Variants in NLRP8 observed in about 807,000 individuals in gnomAD.
The protein encoded by NLRP8 is NACHT, LRR and PYD domains-containing protein 8.
In NLRP8, 86 loss-of-function variants were observed where a neutral mutation model predicts 88.7. That is an observed-to-expected ratio of 0.97 (90% CI 0.81 to 1.16). The LOEUF is 1.16. Among genes scored for constraint, NLRP8 ranks in the 50% most tolerant of loss-of-function variants. The pLI is 0.00. For synonymous variants in NLRP8, 504 were observed against 494.6 expected, an observed-to-expected ratio of 1.02 and a Z score of -0.25; for missense variants, 1,342 against 1,286.5, an observed-to-expected ratio of 1.04 and a Z score of -0.66.
At chr19:55,969,921 C>T (rs970786908) in intron 5 of NLRP8, among the ~76,000 whole-genome samples, 7 of 152,108 alleles carry the variant, frequency 4.6e-5, no homozygotes, top group Non-Finnish European at 8.8e-5. Flanking sequence ...AAATCCAGCC[C>T]GAGAAGACAG....
rs777494711 is a variant in NLRP8 at position 55,987,958 on chromosome 19, C to T, written c.*45C>T. ...CTGGGGCTTGATTGATCAGTTCCCA[C>T]TCTGACAACTGGCAAATACCAGGCG... is the stretch of plus-strand genomic sequence containing the variant. On this transcript the variant is annotated 3_prime_UTR_variant, in exon 10 of 10. Coordinates refer to ENST00000291971, the MANE Select transcript of NLRP8 (RefSeq NM_176811.2). 12 of 1,438,214 alleles carry T rather than the reference C, an allele frequency of 8.3e-6. No individual in the cohort carries two copies. The highest frequency in any genetic ancestry group is 1.4e-5 in the African/African-American group (1 of 71,476). 89.1% of individuals were successfully genotyped at this position (1,438,214 alleles called of 1,614,324 possible). A position where few individuals can be genotyped will look rare whatever the true frequency, so the allele number is the denominator to read the frequency against.
rs772052383 is a variant in NLRP8 at position 55,955,527 on chromosome 19, T to A, written c.1469T>A (p.Met490Lys). 1 of 1,613,936 alleles carries A rather than the reference T, an allele frequency of 6.2e-7. No homozygotes were observed. The highest frequency in any genetic ancestry group is 1.1e-5 in the South Asian group (1 of 91,066). ...ACGGGAGTCACCGCCTTCCTTGGCATGAGTATTCTTCGGAGAATTGCAGGT... is the reference window on the plus strand; with the variant it reads ...ACGGGAGTCACCGCCTTCCTTGGCAAGAGTATTCTTCGGAGAATTGCAGGT... The change falls in exon 3 of 10, where the codon ATG (methionine) becomes AAG (lysine). Residue 490 changes from methionine to lysine, a missense_variant. Met to Lys is a moderately conservative substitution (Grantham distance 95). Transcript: ENST00000291971.
Position 55,979,440 on chromosome 19 carries a change from T to C in NLRP8, c.2923T>C (p.Ser975Pro). The change falls in exon 9 of 10, where the codon TCC (serine) becomes CCC (proline). Residue 975 changes from serine (S) to proline (P), a missense_variant. Transcript: ENST00000291971. ...CTCCATCTGCTGCCAGGCCATGGCTTCCATGCTCCGCAAAAACCAACATCT... is the reference window on the plus strand; with the variant it reads ...CTCCATCTGCTGCCAGGCCATGGCTCCCATGCTCCGCAAAAACCAACATCT... The C allele has an allele frequency of 6.2e-7, 1 of 1,614,186 alleles. No homozygotes were observed. Among genetic ancestry groups the C allele is most frequent in the East Asian group, 2.2e-5 (1 of 44,878 alleles).
intron 2 of NLRP8, among the ~76,000 whole-genome samples, chr19:55,953,374 C>T (rs1178820321): frequency 6.6e-6 from 1 of 152,114 alleles, no homozygotes; most frequent in Non-Finnish European, 1.5e-5. Context: ...ATAAAGTACA[C>T]AATAAACGTA....
chr19:55,974,496 C>A, intron 7 of NLRP8, among the ~76,000 whole-genome samples: 1 of 151,778 alleles, frequency 6.6e-6, no homozygotes, highest in East Asian at 1.9e-4. Context: ...GGCCTGTAAT[C>A]CCAGCACTTT....
At chr19:55,950,185 T>C (rs191829010) in intron 1 of NLRP8, among the ~76,000 whole-genome samples, 215 of 148,208 alleles carry the variant, frequency 1.5e-3, no homozygotes, top group African/African-American at 5.1e-3. Flanking sequence ...CAGAGGTGGG[T>C]GGATCACCCA....
intron 2 of NLRP8, among the ~76,000 whole-genome samples, chr19:55,952,841 G>A (rs560016896): frequency 2.6e-5 from 4 of 152,158 alleles, no homozygotes; most frequent in Non-Finnish European, 2.9e-5. Flanking sequence ...GAGAAGAATT[G>A]CTTGAACCCG....
At chr19:55,952,036 G>C (rs1003713896) in intron 1 of NLRP8, among the ~76,000 whole-genome samples, 3 of 152,220 alleles carry the variant, frequency 2.0e-5, no homozygotes, top group African/African-American at 7.2e-5. Context: ...ACAGGCGTGA[G>C]CCACAGTGCC....
chr19:55,976,419 C>CA, intron 8 of NLRP8, 116 bp downstream of exon 8: 3 of 889,108 alleles, frequency 3.4e-6, no homozygotes, highest in Non-Finnish European at 4.7e-6. Context: ...TTGTTCCCTC[C>CA]ATTGAATTGG....
chr19:55,978,991 G>A (rs190809104), intron 8 of NLRP8, among the ~76,000 whole-genome samples: 121 of 152,202 alleles, frequency 7.9e-4, no homozygotes, highest in African/African-American at 2.8e-3. Context: ...CATGCTATTT[G>A]AATACATGTA....
chr19:55,962,038 G>T (rs1174900782), intron 3 of NLRP8, 29 bp from the exon 4 acceptor site: 1 of 1,605,260 alleles, frequency 6.2e-7, no homozygotes, highest in Non-Finnish European at 8.5e-7. Context: ...TAACGAAGAG[G>T]TGTTTTCTCT....
rs35767678 is a variant in NLRP8, at chr19:55,953,792, C to CTTT, written c.443-684_443-682dup. Reference sequence around the variant, plus strand: ...ACAGGCGTAAGCCACTGTGCCTGGCCTTTTTTTTTTTTTTTTTTTTTTTTT... The same window carrying CTTT: ...ACAGGCGTAAGCCACTGTGCCTGGCCTTTTTTTTTTTTTTTTTTTTTTTTTTTT... On this transcript the variant is annotated intron_variant, in intron 2 of 9. Transcript: ENST00000291971. Among the ~76,000 whole-genome samples the CTTT allele has an allele frequency of 5.2e-3, 288 of 55,248 alleles. 48 individuals are homozygous for CTTT. Among genetic ancestry groups the CTTT allele is most frequent in the African/African-American group, 0.018 (243 of 13,772 alleles). 36.2% of individuals were successfully genotyped at this position (55,248 alleles called of 152,430 possible). A position where few individuals can be genotyped will look rare whatever the true frequency, so the allele number is the denominator to read the frequency against.
At chr19:55,957,102 C>G (rs1215368192) in intron 3 of NLRP8, among the ~76,000 whole-genome samples, 3 of 152,150 alleles carry the variant, frequency 2.0e-5, no homozygotes, top group African/African-American at 7.2e-5. Flanking sequence ...CTCACTCCTA[C>G]TTTTGTGTAT....
chr19:55,967,454 T>C (rs1228781685), intron 5 of NLRP8, among the ~76,000 whole-genome samples: 2 of 152,260 alleles, frequency 1.3e-5, no homozygotes, highest in Non-Finnish European at 2.9e-5. Context: ...GCTGTTTGTC[T>C]TTCTGTGCCT....
At chr19:55,961,169 C>T (rs1298172310) in intron 3 of NLRP8, among the ~76,000 whole-genome samples, 3 of 152,106 alleles carry the variant, frequency 2.0e-5, no homozygotes, top group African/African-American at 7.2e-5. Context: ...TCCCAGAGTG[C>T]TGGGATTACA....
At chr19:55,977,582 T>A (rs1425924218) in intron 8 of NLRP8, among the ~76,000 whole-genome samples, 2 of 147,610 alleles carry the variant, frequency 1.4e-5, no homozygotes, top group Admixed American at 1.4e-4. Context: ...AAATATATAA[T>A]GTATATATTT....
rs1265868684 is a variant in NLRP8, at chr19:55,957,660, G to T, written c.2042+1560G>T. On this transcript the variant is annotated intron_variant, in intron 3 of 9. Transcript: ENST00000291971. ...GAGATCGCGCCACTATCTTAAAAAAGAAAAAATAATAATTATATATATATA... is the reference window on the plus strand; with the variant it reads ...GAGATCGCGCCACTATCTTAAAAAATAAAAAATAATAATTATATATATATA... 5.3e-5 allele frequency among the ~76,000 whole-genome samples: 5 copies of T among 93,482 alleles called. No individual in the cohort carries two copies. In the East Asian group the frequency reaches 7.4e-4, roughly 14 times the overall value. The allele number at this position is 93,482 out of a possible 152,430, so 61.3% of individuals were successfully genotyped here.
Position 55,987,876 on chromosome 19 carries a change from C to T in NLRP8, c.3110C>T (p.Thr1037Met), listed in dbSNP as rs147035967. 8.3e-5 allele frequency: 134 copies of T among 1,613,956 alleles called. 1 individual carries two copies. In the Middle Eastern group the frequency reaches 1.3e-3, roughly 16 times the overall value. Residue 1037 changes from threonine (T) to methionine (M), a missense_variant, in exon 10 of 10, where the codon ACG becomes ATG. Thr to Met is a moderately conservative substitution (Grantham distance 81). Coordinates refer to ENST00000291971, the MANE Select transcript of NLRP8 (RefSeq NM_176811.2). ...CCAACTCCTCACCCACCCGACTTCACGGGAAAAAGTGACTGCCTATCCCAG... is the reference window on the plus strand; with the variant it reads ...CCAACTCCTCACCCACCCGACTTCATGGGAAAAAGTGACTGCCTATCCCAG...
chr19:55,973,292 AT>A (rs201587204), intron 6 of NLRP8, among the ~76,000 whole-genome samples: 31 of 150,774 alleles, frequency 2.1e-4, no homozygotes, highest in East Asian at 5.9e-4. Context: ...TTTTGATGGG[AT>A]TTTTTTTTCT....
Sources: allele counts gnomAD v4.1 joint callset (sites outside exome capture counted in the v4.1 genomes callset), GRCh38; gene constraint gnomAD v4.1.1; transcripts MANE v1.5; gene names NCBI Gene and HGNC (gene_info 2026-07-23, HGNC 2026-07-21).